Variants in MED23 observed in about 807,000 individuals in gnomAD.
MED23 encodes the protein mediator of RNA polymerase II transcription subunit 23.
In MED23, 105 loss-of-function variants were observed where a neutral mutation model predicts 163.9. That is an observed-to-expected ratio of 0.64 (90% CI 0.55 to 0.75). The LOEUF is 0.75. Among genes scored for constraint, MED23 ranks in the 30% least tolerant of loss-of-function variants. The probability of loss-of-function intolerance (pLI) is 0.00; values close to 1 mark genes in which losing one functional copy is unlikely to be tolerated. For missense variants in MED23, 1,054 were observed against 1,649.0 expected, an observed-to-expected ratio of 0.64 and a Z score of 6.25; for synonymous variants, 561 against 565.6, an observed-to-expected ratio of 0.99 and a Z score of 0.12.
rs546060820 is a variant in MED23 at position 131,606,829 on chromosome 6, T to A, written c.1222-205A>T. On this transcript the variant is annotated intron_variant, in intron 12 of 28. Coordinates refer to ENST00000368068, the MANE Select transcript of MED23 (RefSeq NM_004830.4). ...TACAAGATGCTTTATTTGGTATATG[T>A]TTTTACTTGCTTTAAGTAACACATA... Among the ~76,000 whole-genome samples the A allele has an allele frequency of 5.3e-5, 8 of 152,276 alleles. No homozygotes were observed. The East Asian group carries it at 1.5e-3, about 29-fold the overall frequency.
chr6:131,576,895 G>T (rs1456689345), intron 30 of MED23, among the ~76,000 whole-genome samples: 1 of 152,108 alleles, frequency 6.6e-6, no homozygotes, highest in South Asian at 2.1e-4. Context: ...CAGGGCATGG[G>T]GAGAATGCTC....
intron 3 of MED23, among the ~76,000 whole-genome samples, chr6:131,626,513 A>T (rs766665081): frequency 5.3e-5 from 8 of 152,344 alleles, no homozygotes; most frequent in Non-Finnish European, 1.0e-4. Context: ...ATTAATGAAC[A>T]GTGTACATGG....
intron 30 of MED23, among the ~76,000 whole-genome samples, chr6:131,578,542 A>C (rs952415126): frequency 1.3e-5 from 2 of 152,182 alleles, no homozygotes; most frequent in African/African-American, 4.8e-5. Flanking sequence ...CCAAAGTGTT[A>C]GGCTCAGTGC....
rs963913910 is a variant in MED23 at position 131,586,749 on chromosome 6, G to C, written c.*930C>G. 2 of 1,456,582 alleles carry C rather than the reference G, an allele frequency of 1.4e-6. No homozygotes were observed. The highest frequency in any genetic ancestry group is 4.2e-5 in the Admixed American group (2 of 47,608). 90.2% of individuals were successfully genotyped at this position (1,456,582 alleles called of 1,614,324 possible). On this transcript the variant is annotated 3_prime_UTR_variant, in exon 29 of 29. Transcript: ENST00000368068. ...CAATGGAGTCGGGAAACAATCACAC[G>C]GTTTATTCATTCAGCAGACTTTACT...
intron 13 of MED23, among the ~76,000 whole-genome samples, chr6:131,606,054 T>G (rs1269499476): frequency 4.6e-5 from 7 of 152,120 alleles, no homozygotes; most frequent in Admixed American, 1.3e-4. Flanking sequence ...TTGGAAGAGA[T>G]ATTAAGGGGC....
intron 20 of MED23, among the ~76,000 whole-genome samples, chr6:131,597,693 A>G (rs2114628766): frequency 6.6e-6 from 1 of 152,206 alleles, no homozygotes; most frequent in African/African-American, 2.4e-5. Context: ...ATATTTTCAA[A>G]GTATCACAAG....
intron 30 of MED23, among the ~76,000 whole-genome samples, chr6:131,580,041 A>T (rs145735519): frequency 4.6e-5 from 7 of 152,320 alleles, no homozygotes; most frequent in African/African-American, 1.7e-4. Context: ...AGGTTGCATT[A>T]TAATTTTCAC....
Position 131,600,099 on chromosome 6 carries a change from A to C in MED23, c.2159T>G (p.Met720Arg). 1 of 1,613,798 alleles carries C rather than the reference A, an allele frequency of 6.2e-7. No homozygotes were observed. The highest frequency in any genetic ancestry group is 8.5e-7 in the Non-Finnish European group (1 of 1,179,698). ...AGCCCAATTATGAGGAGTGAAACTC[A>C]TGATGGTCTGAAGTATGTCTTTACA... ...TWCKDILQTI[M>R]SFTPHNWASH... Residue 720 changes from methionine (M) to arginine (R), a missense_variant, in exon 18 of 29, where the codon ATG (methionine) becomes AGG (arginine). Met to Arg is a moderately conservative substitution (Grantham distance 91, BLOSUM62 -1). Coordinates refer to ENST00000368068, the MANE Select transcript of MED23 (RefSeq NM_004830.4).
intron 24 of MED23, 179 bp downstream of exon 24, chr6:131,592,827 C>T (rs1774745438): frequency 5.6e-6 from 4 of 720,344 alleles, no homozygotes; most frequent in Non-Finnish European, 6.9e-6. Context: ...TCTTAGGATC[C>T]TGTCCAGGGC....
At chr6:131,627,375 T>G in intron 3 of MED23, 21 bp downstream of exon 3, 1 of 1,578,012 alleles carries the variant, frequency 6.3e-7, no homozygotes, top group Non-Finnish European at 8.7e-7. Context: ...CAGCTGAATG[T>G]ATTAAAAATG....
chr6:131,601,606 A>G (rs900530787), intron 17 of MED23, among the ~76,000 whole-genome samples: 2 of 152,060 alleles, frequency 1.3e-5, no homozygotes, highest in Non-Finnish European at 2.9e-5. Flanking sequence ...TCTCTTTCCA[A>G]CCTCATCTGT....
At chr6:131,597,402 G>A (rs897315326) in intron 20 of MED23, among the ~76,000 whole-genome samples, 6 of 141,872 alleles carry the variant, frequency 4.2e-5, no homozygotes, top group African/African-American at 1.7e-4. Context: ...CGTGAACCCG[G>A]AAGGCAGAGC....
chr6:131,612,226 A>T (rs1400217558), intron 10 of MED23, among the ~76,000 whole-genome samples: 6 of 152,066 alleles, frequency 3.9e-5, no homozygotes, highest in African/African-American at 1.4e-4. Flanking sequence ...GATATTTCTC[A>T]AATCAAGTTT....
chr6:131,624,954 C>G lies in MED23; in HGVS notation c.195G>C (p.Lys65Asn). 6.2e-7 allele frequency: 1 copy of G among 1,613,730 alleles called. No individual in the cohort carries two copies. Among genetic ancestry groups the G allele is most frequent in the Non-Finnish European group, 8.5e-7 (1 of 1,179,898 alleles). Residue 65 changes from lysine (K) to asparagine (N), a missense_variant, in exon 4 of 29, where the codon AAG (lysine) becomes AAC (asparagine). Transcript: ENST00000368068. ...TAGGACTATGCTGACCATGAATAAA[C>G]TTAACAATCCACTGGATACACTGTT... is the stretch of plus-strand genomic sequence containing the variant. ...SHEQCIQWIVKFIHGQHSPKR... is the reference protein window; with the variant it reads ...SHEQCIQWIVNFIHGQHSPKR...
chr6:131,583,500 C>G (rs1317661902), downstream of MED23: 2 of 1,614,030 alleles, frequency 1.2e-6, no homozygotes, highest in Non-Finnish European at 1.7e-6. Context: ...AGGTAGTTAA[C>G]AATCTGAGGT....
At chr6:131,592,093 G>C (rs1024129840) in intron 25 of MED23, 1 of 431,846 alleles carries the variant, frequency 2.3e-6, no homozygotes, top group African/African-American at 2.0e-5. Context: ...AAGTGGCCAA[G>C]AGTAGATCAA....
intron 4 of MED23, 68 bp downstream of exon 4, chr6:131,624,797 C>A (rs1181700457): frequency 1.3e-6 from 2 of 1,562,358 alleles, no homozygotes; most frequent in Non-Finnish European, 1.8e-6. Context: ...ACAACAACAA[C>A]CTCAACCAAT....
chr6:131,593,412 T>G (rs1191367205), intron 23 of MED23, among the ~76,000 whole-genome samples: 3 of 152,228 alleles, frequency 2.0e-5, no homozygotes, highest in Non-Finnish European at 4.4e-5. Flanking sequence ...TAGCCACAGA[T>G]GCAACCAAGG....
chr6:131,581,579 A>G (rs1773929553), intron 30 of MED23, among the ~76,000 whole-genome samples: 1 of 152,144 alleles, frequency 6.6e-6, no homozygotes, highest in Non-Finnish European at 1.5e-5. Context: ...CTTAATATAT[A>G]TTTTCTCTGC....
Sources: gnomAD v4.1 joint callset for allele counts (sites outside exome capture counted in the v4.1 genomes callset) on GRCh38, gnomAD v4.1.1 for gene constraint, MANE v1.5 for transcripts, NCBI Gene and HGNC (gene_info 2026-07-23, HGNC 2026-07-21) for gene names.